MMP26: variants seen among roughly 807,000 people sequenced by gnomAD.
MMP26 encodes matrix metallopeptidase 26, also known as matrix metalloproteinase-26.
In MMP26, 33 loss-of-function variants were observed where a neutral mutation model predicts 31.0. The observed-to-expected ratio is 1.06, with a 90% CI of 0.81 to 1.42. MMP26 has a LOEUF of 1.42. Ranked by LOEUF, MMP26 falls within the 40% of genes most tolerant of loss-of-function variation. The pLI is 0.00. For missense variants in MMP26, 347 were observed against 316.1 expected (o/e 1.10, Z -0.74); for synonymous variants, 122 against 114.9 (o/e 1.06, Z -0.40).
At chr11:4,822,439 G>T (rs775158929) in intron 2 of MMP26, 2 of 1,379,494 alleles carry the variant, frequency 1.4e-6, no homozygotes, top group African/African-American at 1.5e-5. Context: ...TGGAGTAATT[G>T]TCCCAAAGTG....
intron 1 of MMP26, among the ~76,000 whole-genome samples, chr11:4,734,189 A>G (rs1848208098): frequency 6.6e-6 from 1 of 152,286 alleles, no homozygotes; most frequent in African/African-American, 2.4e-5. Flanking sequence ...ATGAGTTGGA[A>G]TGTATTTACT....
chr11:4,769,608 A>G (rs1160354159), intron 2 of MMP26: 1 of 1,612,982 alleles, frequency 6.2e-7, no homozygotes, highest in Non-Finnish European at 8.5e-7. Context: ...TGAAGAAAAA[A>G]CATCTGGACA....
chr11:4,930,001 G>A lies in MMP26; in HGVS notation c.-144-58067G>A, dbSNP rs544901997. ...ATTGAGAAACGTTTTGTTCAAAAATGTACTTGGAATAATCTTGGTGTGAAC... is the reference window on the plus strand; with the variant it reads ...ATTGAGAAACGTTTTGTTCAAAAATATACTTGGAATAATCTTGGTGTGAAC... On this transcript the variant is annotated intron_variant, in intron 2 of 7. Transcript: ENST00000380390. Among the ~76,000 whole-genome samples, 9 of 152,146 alleles carry A rather than the reference G, an allele frequency of 5.9e-5. No homozygotes were observed. The East Asian group carries it at 1.4e-3, about 23-fold the overall frequency.
rs370720984 is a variant in MMP26, at chr11:4,759,910, C to G, written c.-216-7360C>G. Among the ~76,000 whole-genome samples the G allele has an allele frequency of 5.9e-3, 897 of 152,300 alleles. 6 individuals are homozygous for G. Among genetic ancestry groups the G allele is most frequent in the Middle Eastern group, 0.027 (8 of 294 alleles). The stretch of plus-strand genomic sequence containing the variant: ...GATATCCTTTCTGCATTCGCCACTA[C>G]CCAGTCGGCCTCTCGCTAGTCAAAT... On this transcript the variant is annotated intron_variant, in intron 1 of 7. Transcript: ENST00000380390.
intron 2 of MMP26, among the ~76,000 whole-genome samples, chr11:4,854,373 G>T (rs1047069472): frequency 6.6e-6 from 1 of 152,178 alleles, no homozygotes; most frequent in South Asian, 2.1e-4. Flanking sequence ...CTAATACTGC[G>T]CTTTTCCAAC....
intron 1 of MMP26, among the ~76,000 whole-genome samples, chr11:4,759,070 C>T (rs969655209): frequency 5.0e-5 from 7 of 138,912 alleles, no homozygotes; most frequent in Admixed American, 3.8e-4. Flanking sequence ...GAGATCATGC[C>T]ACTGCATTCC....
At chr11:4,744,481 A>G (rs1415807157) in intron 1 of MMP26, among the ~76,000 whole-genome samples, 1 of 151,720 alleles carries the variant, frequency 6.6e-6, no homozygotes, top group East Asian at 1.9e-4. Context: ...ATGCATGACC[A>G]TTGTCTCTTG....
intron 1 of MMP26, among the ~76,000 whole-genome samples, chr11:4,727,701 T>C (rs1015850553): frequency 2.6e-5 from 4 of 152,154 alleles, no homozygotes; most frequent in South Asian, 2.1e-4. Flanking sequence ...TCCCAGCTAC[T>C]TGGAGGCTGA....
At chr11:4,769,516 G>T in intron 2 of MMP26, 3 of 1,613,818 alleles carry the variant, frequency 1.9e-6, no homozygotes, top group South Asian at 1.1e-5. Context: ...GAATGGTAGT[G>T]TACCTCAGAG....
At chr11:4,851,909 A>G (rs535347719) in intron 2 of MMP26, among the ~76,000 whole-genome samples, 1 of 152,308 alleles carries the variant, frequency 6.6e-6, no homozygotes, top group Non-Finnish European at 1.5e-5. Flanking sequence ...CAAGACTAAC[A>G]GAAAACAAAT....
At chr11:4,781,352 C>G (rs1848857994) in intron 2 of MMP26, among the ~76,000 whole-genome samples, 1 of 71,654 alleles carries the variant, frequency 1.4e-5, no homozygotes, top group East Asian at 2.0e-4. Context: ...TCGAGACCAT[C>G]CTGGCTAACA....
chr11:4,915,147 A>AG (rs1851059933), intron 2 of MMP26: 3 of 1,614,086 alleles, frequency 1.9e-6, no homozygotes, highest in Admixed American at 1.7e-5. Context: ...GAGCCACAAT[A>AG]GGGGAATCTT....
intron 2 of MMP26, chr11:4,821,606 ACTATTTCCTCT>A (rs753349964): frequency 6.2e-7 from 1 of 1,613,778 alleles, no homozygotes; most frequent in East Asian, 2.2e-5. Context: ...AAGCCTATGT[ACTATTTCCTCT>A]CTATGCTTTC....
At chr11:4,848,784 G>T in intron 2 of MMP26, 1 of 1,614,062 alleles carries the variant, frequency 6.2e-7, no homozygotes, top group South Asian at 1.1e-5. Flanking sequence ...GGTGAGGAGC[G>T]CTGGGTAGTG....
At chr11:4,825,463 A>G (rs1849566969) in intron 2 of MMP26, among the ~76,000 whole-genome samples, 1 of 152,060 alleles carries the variant, frequency 6.6e-6, no homozygotes, top group South Asian at 2.1e-4. Flanking sequence ...CAGTGTTCCT[A>G]CAGAGAACCT....
intron 2 of MMP26, among the ~76,000 whole-genome samples, chr11:4,867,828 T>A (rs997509392): frequency 6.6e-6 from 1 of 152,142 alleles, no homozygotes; most frequent in Non-Finnish European, 1.5e-5. Context: ...GTGGAAGAAG[T>A]TATGGCATTT....
chr11:4,910,473 T>C (rs1850974062), intron 2 of MMP26, among the ~76,000 whole-genome samples: 1 of 152,156 alleles, frequency 6.6e-6, no homozygotes, highest in South Asian at 2.1e-4. Context: ...GGGTGCACTC[T>C]GCCTACCACA....
intron 2 of MMP26, among the ~76,000 whole-genome samples, chr11:4,929,589 G>A (rs1458004986): frequency 6.6e-6 from 1 of 152,024 alleles, no homozygotes; most frequent in Non-Finnish European, 1.5e-5. Flanking sequence ...TTGAATAACT[G>A]TTCATTCAAA....
intron 2 of MMP26, chr11:4,943,375 G>T: frequency 5.3e-6 from 2 of 379,694 alleles, no homozygotes; most frequent in South Asian, 2.0e-5. Flanking sequence ...CCTTTCTGAG[G>T]AACTTCTCTG....
Sources: allele counts gnomAD v4.1 joint callset (sites outside exome capture counted in the v4.1 genomes callset), GRCh38; gene constraint gnomAD v4.1.1; transcripts MANE v1.5; gene names NCBI Gene and HGNC (gene_info 2026-07-23, HGNC 2026-07-21).